The following MUC5AC variants were observed in gnomAD, a reference collection of about 807,000 sequenced individuals.
MUC5AC encodes the protein mucin-5AC.
Under a neutral mutation model 169.7 loss-of-function variants are expected in MUC5AC, and 158 were observed. That is an observed-to-expected ratio of 0.93 (90% confidence interval 0.82 to 1.06). The LOEUF (loss-of-function observed/expected upper bound fraction) is 1.06. Ranked by LOEUF, MUC5AC falls within the 50% of genes least tolerant of loss-of-function variation. MUC5AC has a pLI of 0.00. For missense variants in MUC5AC, 4,359 were observed against 3,089.9 expected, an observed-to-expected ratio of 1.41 and a Z score of -9.74; for synonymous variants, 1,975 against 1,237.0, an observed-to-expected ratio of 1.60 and a Z score of -12.52.
chr11:1,179,855 G>A (rs1322907933), intron 26 of MUC5AC, among the ~76,000 whole-genome samples, 167 bp from the exon 27 acceptor site: 1 of 152,178 alleles, frequency 6.6e-6, no homozygotes, highest in Non-Finnish European at 1.5e-5. Flanking sequence ...AGCCTCCGTG[G>A]CACCCTGATA....
rs749505190 is a variant in MUC5AC, at chr11:1,194,099, G to T, written c.14756-11G>T. 43 of 763,416 alleles carry T rather than the reference G, an allele frequency of 5.6e-5. 1 individual carries two copies. The highest frequency in any genetic ancestry group is 5.6e-4 in the South Asian group (42 of 74,596). 47.3% of individuals were successfully genotyped at this position (763,416 alleles called of 1,614,324 possible). On this transcript the variant is annotated splice_polypyrimidine_tract_variant and intron_variant, in intron 33 of 48. Transcript: ENST00000621226. ...CGAGCCACCCGTAAGGCTGCCCCTG[G>T]GGCCTGGCAGGTGTGTGCAGCGGCT...
chr11:1,180,656 C>T (rs1345843049), intron 28 of MUC5AC, 140 bp downstream of exon 28: 36 of 397,698 alleles, frequency 9.1e-5, no homozygotes, highest in Non-Finnish European at 1.2e-4. Context: ...CCTGTCCTGG[C>T]CCAGGCATCT....
rs2133745953 is a variant in MUC5AC at position 1,177,465 on chromosome 11, G to A, written c.2919G>A (p.Leu973=). 4 of 399,084 alleles carry A rather than the reference G, an allele frequency of 1.0e-5. No individual in the cohort carries two copies. The East Asian group carries it at 1.4e-4, about 14-fold the overall frequency. The allele number at this position is 399,084 out of a possible 1,614,324, so 24.7% of individuals were successfully genotyped here. The change falls in exon 24 of 49, where the codon CTG becomes CTA. Residue 973 remains leucine, a synonymous_variant. Coordinates refer to ENST00000621226, the MANE Select transcript of MUC5AC (RefSeq NM_001304359.2). ...AIKIFLGGFE[L]KLSHGKVEVI... ...CCCTTGCCATGCAGGGCTTCGAGCT[G>A]AAGCTAAGCCATGGGAAGGTGGAGG...
intron 33 of MUC5AC, 83 bp downstream of exon 33, chr11:1,193,742 G>C (rs894546236): frequency 1.4e-6 from 1 of 715,830 alleles, no homozygotes; most frequent in African/African-American, 1.7e-5. Context: ...CAGAGGAGGG[G>C]GCTTGGCTGA....
Position 1,192,275 on chromosome 11 carries a change from A to G in MUC5AC, c.14130A>G (p.Gly4710=). Reference sequence around the variant, plus strand: ...TGTGCCGGAACCAGGACCAGCAGGGACCCTTCAAGATGTGCCTCAACTACG... The same window carrying G: ...TGTGCCGGAACCAGGACCAGCAGGGGCCCTTCAAGATGTGCCTCAACTACG... ...GLVCRNQDQQ[G]PFKMCLNYEV... is the part of the protein sequence containing the mutation. Residue 4710 remains glycine, a synonymous_variant, in exon 31 of 49, where the codon GGA becomes GGG. Transcript: ENST00000621226. 1 of 764,998 alleles carries G rather than the reference A, an allele frequency of 1.3e-6. No individual in the cohort carries two copies. Among genetic ancestry groups the G allele is most frequent in the Non-Finnish European group, 2.4e-6 (1 of 417,880 alleles). The allele number at this position is 764,998 out of a possible 1,614,324, so 47.4% of individuals were successfully genotyped here.
Position 1,186,295 on chromosome 11 carries a change from C to A in MUC5AC, c.8150C>A (p.Thr2717Asn). ...STTSAPTTST[T>N]SAPTTSTISA... The stretch of plus-strand genomic sequence containing the variant: ...ACCTCTGCTCCCACAACAAGCACAA[C>A]CTCTGCCCCTACAACCAGCACAATC... The change falls in exon 31 of 49, where the codon ACC (threonine) becomes AAC (asparagine). Residue 2717 changes from threonine (T) to asparagine (N), a missense_variant. Transcript: ENST00000621226. 4.1e-6 allele frequency: 3 copies of A among 730,782 alleles called. No homozygotes were observed. Among genetic ancestry groups the A allele is most frequent in the South Asian group, 1.4e-5 (1 of 70,162 alleles). The allele number at this position is 730,782 out of a possible 1,614,324, so 45.3% of individuals were successfully genotyped here.
In MUC5AC at chr11:1,178,474, G is replaced by A. The variant is rs1860738221; in HGVS notation, c.3118G>A (p.Asp1040Asn). The A allele has an allele frequency of 1.1e-6, 1 of 919,680 alleles. No homozygotes were observed. Among genetic ancestry groups the A allele is most frequent in the Non-Finnish European group, 1.5e-6 (1 of 672,614 alleles). 57.0% of individuals were successfully genotyped at this position (919,680 alleles called of 1,614,324 possible). A position where few individuals can be genotyped will look rare whatever the true frequency, so the allele number is the denominator to read the frequency against. ...GRVCGLCGNF[D>N]DIAVNDFATR... ...GGTCTGCGGCCTGTGTGGGAACTTC[G>A]ACGACATCGCCGTTAATGACTTTGC... The change falls in exon 25 of 49, where the codon GAC (aspartate) becomes AAC (asparagine). Residue 1040 changes from aspartate to asparagine, a missense_variant. Physicochemically the swap from Asp to Asn is conservative, Grantham distance 23 (BLOSUM62 1). Transcript: ENST00000621226.
At chr11:1,196,984 C>T in intron 40 of MUC5AC, 76 bp downstream of exon 40, 1 of 713,406 alleles carries the variant, frequency 1.4e-6, no homozygotes, top group Non-Finnish European at 2.6e-6. Flanking sequence ...ACACCGGCCC[C>T]AGAAATGGTC....
At chr11:1,182,116 G>A (rs1443572453) in intron 30 of MUC5AC, 39 bp from the exon 31 acceptor site, 6 of 398,536 alleles carry the variant, frequency 1.5e-5, no homozygotes, top group African/African-American at 6.2e-5. Context: ...CCCCAAGTGC[G>A]GGCCTCTCAT....
chr11:1,170,348 T>G (rs1860467744), intron 15 of MUC5AC, among the ~76,000 whole-genome samples: 1 of 95,002 alleles, frequency 1.1e-5, no homozygotes, highest in Non-Finnish European at 2.0e-5. Context: ...ACTCACCCAT[T>G]TGCCCACTCA....
rs1860572425 is a variant in MUC5AC at position 1,172,500 on chromosome 11, G to A, written c.1942G>A (p.Val648Met). The change falls in exon 16 of 49, where the codon GTG becomes ATG. Residue 648 changes from valine to methionine, a missense_variant. Transcript: ENST00000621226. Reference sequence around the variant, plus strand: ...CCCCTTCGGCCGGTGCCATGCTGCCGTGAAGCCGGGAACCTACTACTCGGT... The same window carrying A: ...CCCCTTCGGCCGGTGCCATGCTGCCATGAAGCCGGGAACCTACTACTCGGT... Reference protein sequence around the residue: ...DGPFGRCHAAVKPGTYYSNCM... With the variant: ...DGPFGRCHAAMKPGTYYSNCM... 4 of 398,586 alleles carry A rather than the reference G, an allele frequency of 1.0e-5. No homozygotes were observed. The highest frequency in any genetic ancestry group is 1.3e-4 in the South Asian group (1 of 7,862). The allele number at this position is 398,586 out of a possible 1,614,324, so 24.7% of individuals were successfully genotyped here.
In MUC5AC at chr11:1,190,317, C is replaced by T. The variant is rs1861055853; in HGVS notation, c.12172C>T (p.Pro4058Ser). The T allele has an allele frequency of 3.0e-6, 2 of 674,562 alleles. No homozygotes were observed. Among genetic ancestry groups the T allele is most frequent in the African/African-American group, 3.6e-5 (2 of 55,988 alleles). The allele number at this position is 674,562 out of a possible 1,614,324, so 41.8% of individuals were successfully genotyped here. Residue 4058 changes from proline to serine, a missense_variant, in exon 31 of 49, where the codon CCC (proline) becomes TCC (serine). Transcript: ENST00000621226. ...CTGCTGCGAGACCCCCAAAGGCTGC[C>T]CCGTGACCTCCACACCTGTGACAGC... is the stretch of plus-strand genomic sequence containing the variant. Reference protein sequence around the residue: ...VLCCETPKGCPVTSTPVTAPS... With the variant: ...VLCCETPKGCSVTSTPVTAPS...
At position 1,192,913 on chromosome 11, in the gene MUC5AC, G is replaced by A. The variant is rs562561931; in HGVS notation, c.14511G>A (p.Thr4837=). 3.1e-5 allele frequency: 24 copies of A among 762,118 alleles called. No individual in the cohort carries two copies. The highest frequency in any genetic ancestry group is 1.9e-4 in the South Asian group (14 of 74,178). 47.2% of individuals were successfully genotyped at this position (762,118 alleles called of 1,614,324 possible). A position where few individuals can be genotyped will look rare whatever the true frequency, so the allele number is the denominator to read the frequency against. ...CCACGCTGCCTCCTGCCCCAGCCAC[G>A]TCCCCTTCAATATCCACCTCCGAGC... ...PSTTLPPAPA[T]SPSISTSEPV... Residue 4837 remains threonine (T), a synonymous_variant, in exon 32 of 49, where the codon ACG becomes ACA. Transcript: ENST00000621226.
chr11:1,192,682 A>G (rs1193716353), intron 31 of MUC5AC, 101 bp from the exon 32 acceptor site: 1 of 686,464 alleles, frequency 1.5e-6, no homozygotes, highest in African/African-American at 1.8e-5. Flanking sequence ...ATTTTTTCCC[A>G]TTACACAGGT....
rs34474233 is a variant in MUC5AC at position 1,197,926 on chromosome 11, G to C, written c.16057G>C (p.Ala5353Pro). The change falls in exon 42 of 49, where the codon GCG (alanine) becomes CCG (proline). Residue 5353 changes from alanine to proline, a missense_variant. Transcript: ENST00000621226. ...AGCCTGCAACACCAGCCGCTGCCCC[G>C]CGCCCGTGGGCTGTCCTGAGGGCGC... Reference protein sequence around the residue: ...SCACNTSRCPAPVGCPEGARA... With the variant: ...SCACNTSRCPPPVGCPEGARA... The C allele has an allele frequency of 1.5e-5, 11 of 731,686 alleles. No individual in the cohort carries two copies. The African/African-American group carries it at 1.5e-4, about 10-fold the overall frequency. The allele number at this position is 731,686 out of a possible 1,614,324, so 45.3% of individuals were successfully genotyped here.
Position 1,184,466 on chromosome 11 carries a change from C to G in MUC5AC, c.6321C>G (p.Thr2107=). Reference sequence around the variant, plus strand: ...CAGCAACCAGCGTCACACAGGGCACCCACACCACACCAGTCACCAGAAACT... The same window carrying G: ...CAGCAACCAGCGTCACACAGGGCACGCACACCACACCAGTCACCAGAAACT... The part of the protein sequence containing the change: ...GPTATSVTQG[T]HTTPVTRNCH... Residue 2107 remains threonine (T), a synonymous_variant, in exon 31 of 49, where the codon ACC becomes ACG. Transcript: ENST00000621226. The G allele has an allele frequency of 3.2e-6, 2 of 621,706 alleles. No individual in the cohort carries two copies. The highest frequency in any genetic ancestry group is 5.8e-6 in the Non-Finnish European group (2 of 346,318). The allele number at this position is 621,706 out of a possible 1,614,324, so 38.5% of individuals were successfully genotyped here.
In MUC5AC at chr11:1,183,801, C is replaced by T. The variant is rs1860864796; in HGVS notation, c.5656C>T (p.Pro1886Ser). ...ASGSSAPSST[P>S]GTVSLSTART... ...AGGCTCCTCAGCCCCCAGCAGCACA[C>T]CTGGCACCGTGTCTCTCTCTACAGC... is the stretch of plus-strand genomic sequence containing the variant. Residue 1886 changes from proline (P) to serine (S), a missense_variant, in exon 31 of 49, where the codon CCT (proline) becomes TCT (serine). Physicochemically the swap from Pro to Ser is moderately conservative, Grantham distance 74 (BLOSUM62 -1). Coordinates refer to ENST00000621226, the MANE Select transcript of MUC5AC (RefSeq NM_001304359.2). The T allele has an allele frequency of 2.3e-6, 1 of 430,852 alleles. No individual in the cohort carries two copies. The highest frequency in any genetic ancestry group is 4.0e-6 in the Non-Finnish European group (1 of 247,504). 26.7% of individuals were successfully genotyped at this position (430,852 alleles called of 1,614,324 possible).
Position 1,192,355 on chromosome 11 carries a change from C to A in MUC5AC, c.14210C>A (p.Thr4737Asn). The A allele has an allele frequency of 1.3e-6, 1 of 765,084 alleles. No homozygotes were observed. Among genetic ancestry groups the A allele is most frequent in the South Asian group, 1.3e-5 (1 of 74,622 alleles). The allele number at this position is 765,084 out of a possible 1,614,324, so 47.4% of individuals were successfully genotyped here. The change falls in exon 31 of 49, where the codon ACC (threonine) becomes AAC (asparagine). Residue 4737 changes from threonine (T) to asparagine (N), a missense_variant. Physicochemically the swap from Thr to Asn is moderately conservative, Grantham distance 65. Coordinates refer to ENST00000621226, the MANE Select transcript of MUC5AC (RefSeq NM_001304359.2). ...TPRGCPVTSVTPYGTSPTNAL... is the reference protein window; with the variant it reads ...TPRGCPVTSVNPYGTSPTNAL... The stretch of plus-strand genomic sequence containing the variant: ...AGAGGCTGCCCGGTGACCTCTGTGA[C>A]CCCATATGGGACTTCTCCTACCAAT...
chr11:1,197,447 C>T lies in MUC5AC; in HGVS notation c.15862-21C>T, dbSNP rs981589151. 5 of 704,048 alleles carry T rather than the reference C, an allele frequency of 7.1e-6. No homozygotes were observed. In the East Asian group the frequency reaches 1.1e-4, roughly 15 times the overall value. The allele number at this position is 704,048 out of a possible 1,614,324, so 43.6% of individuals were successfully genotyped here. A position where few individuals can be genotyped will look rare whatever the true frequency, so the allele number is the denominator to read the frequency against. On this transcript the variant is annotated intron_variant, in intron 40 of 48. Coordinates refer to ENST00000621226, the MANE Select transcript of MUC5AC (RefSeq NM_001304359.2). ...GGGTGGAGCCGCTGCGGACGCTGGA[C>T]CTCAGTCCCCTTCCTTGCAGGTGGG...
Sources: allele counts gnomAD v4.1 joint callset (sites outside exome capture counted in the v4.1 genomes callset), GRCh38; gene constraint gnomAD v4.1.1; transcripts MANE v1.5; gene names NCBI Gene and HGNC (gene_info 2026-07-23, HGNC 2026-07-21).